The following BTAF1 variants were observed in gnomAD, a reference collection of about 807,000 sequenced individuals.
BTAF1 encodes TATA-binding protein-associated factor 172.
In BTAF1, 38 loss-of-function variants were observed where a neutral mutation model predicts 227.1. The ratio of observed to expected loss-of-function variants is 0.17; its 90% CI spans 0.13 to 0.22. The LOEUF (loss-of-function observed/expected upper bound fraction) is 0.22, where lower values mean the gene tolerates loss of function less well. Ranked by LOEUF, BTAF1 falls within the 10% of genes least tolerant of loss-of-function variation. BTAF1 has a pLI of 1.00. For synonymous variants in BTAF1, 742 were observed against 751.9 expected (o/e 0.99, Z 0.21); for missense variants, 1,598 against 2,204.0 (o/e 0.73, Z 5.51).
chr10:91,989,623 T>C, intron 20 of BTAF1, 43 bp downstream of exon 20: 1 of 1,506,132 alleles, frequency 6.6e-7, no homozygotes, highest in Non-Finnish European at 8.9e-7. Context: ...AATAACCTTT[T>C]AAATTTGTTT....
chr10:91,936,952 C>T (rs913830629), intron 2 of BTAF1, among the ~76,000 whole-genome samples: 1 of 152,068 alleles, frequency 6.6e-6, no homozygotes, highest in Non-Finnish European at 1.5e-5. Flanking sequence ...AGCACTGTCT[C>T]ACCGTCTTTC....
At chr10:92,025,444 A>T (rs74149356) in intron 35 of BTAF1, among the ~76,000 whole-genome samples, 33,617 of 147,988 alleles carry the variant, frequency 0.23, 4,757 homozygotes, top group African/African-American at 0.42. Context: ...TTTTTTTTTT[A>T]AAAAAAAAAT....
Position 91,942,413 on chromosome 10 carries a change from C to T in BTAF1, c.254-9C>T. On this transcript the variant is annotated splice_polypyrimidine_tract_variant and intron_variant, in intron 3 of 37. Transcript: ENST00000265990. Reference sequence around the variant, plus strand: ...TATGGTCAAATTAATATTTTTAAACCTCATGTAGAACCTACTTCCGAAAGT... The same window carrying T: ...TATGGTCAAATTAATATTTTTAAACTTCATGTAGAACCTACTTCCGAAAGT... 6.2e-7 allele frequency: 1 copy of T among 1,604,682 alleles called. No homozygotes were observed. Among genetic ancestry groups the T allele is most frequent in the Non-Finnish European group, 8.5e-7 (1 of 1,174,124 alleles).
chr10:92,023,278 G>A (rs778592446), intron 34 of BTAF1, among the ~76,000 whole-genome samples: 1 of 152,184 alleles, frequency 6.6e-6, no homozygotes, highest in Non-Finnish European at 1.5e-5. Context: ...AACATCCTAA[G>A]TGTTTTACAT....
At chr10:91,993,618 A>C in intron 21 of BTAF1, 76 bp from the exon 22 acceptor site, 1 of 1,163,810 alleles carries the variant, frequency 8.6e-7, no homozygotes, top group East Asian at 2.9e-5. Flanking sequence ...GGTGACTTTT[A>C]AATTCTTTTG....
At chr10:92,028,232 G>A (rs936537372) in intron 37 of BTAF1, among the ~76,000 whole-genome samples, 1 of 152,184 alleles carries the variant, frequency 6.6e-6, no homozygotes, top group Admixed American at 6.5e-5. Flanking sequence ...GTGACTTTCA[G>A]TGACCAGAAC....
rs1396392265 is a variant in BTAF1, at chr10:92,027,126, C to T, written c.5236-4C>T. On this transcript the variant is annotated splice_polypyrimidine_tract_variant and splice_region_variant and intron_variant, in intron 36 of 37. Coordinates refer to ENST00000265990, the MANE Select transcript of BTAF1 (RefSeq NM_003972.3). ...ACGGTTGCTTAACTGTTTTTCTTAT[C>T]CAGAAACGTGTGGTTAACGTATACC... 6.2e-7 allele frequency: 1 copy of T among 1,606,166 alleles called. No individual in the cohort carries two copies. The highest frequency in any genetic ancestry group is 1.3e-5 in the African/African-American group (1 of 74,486).
At chr10:92,004,552 C>A (rs547597538) in intron 25 of BTAF1, among the ~76,000 whole-genome samples, 1 of 152,170 alleles carries the variant, frequency 6.6e-6, no homozygotes, top group Non-Finnish European at 1.5e-5. Flanking sequence ...ACTGCAGCTT[C>A]GACCTCCTGG....
intron 6 of BTAF1, 100 bp downstream of exon 6, chr10:91,953,973 C>T: frequency 6.9e-7 from 1 of 1,455,586 alleles, no homozygotes. Context: ...ACATATTTAG[C>T]TGGGGAGTAC....
chr10:92,014,254 G>A (rs1200298477), intron 32 of BTAF1, among the ~76,000 whole-genome samples: 1 of 151,884 alleles, frequency 6.6e-6, no homozygotes, highest in Non-Finnish European at 1.5e-5. Flanking sequence ...TAAGAGACAG[G>A]GTCTTACTCT....
At chr10:91,993,667 T>A (rs572792148) in intron 21 of BTAF1, 27 bp from the exon 22 acceptor site, 1 of 1,406,474 alleles carries the variant, frequency 7.1e-7, no homozygotes, top group East Asian at 2.5e-5. Flanking sequence ...TCTGAAATTC[T>A]GTTTTTATCT....
intron 2 of BTAF1, among the ~76,000 whole-genome samples, chr10:91,938,923 C>G (rs1844810386): frequency 7.3e-6 from 1 of 137,292 alleles, no homozygotes; most frequent in African/African-American, 2.9e-5. Flanking sequence ...TTTGGTAATT[C>G]TGAGTCCCTT....
chr10:91,998,092 C>T (rs1038483040), intron 25 of BTAF1, among the ~76,000 whole-genome samples: 1 of 140,602 alleles, frequency 7.1e-6, no homozygotes, highest in Non-Finnish European at 1.5e-5. Flanking sequence ...TGCCACTGCA[C>T]TGTATGTATC....
chr10:91,932,647 A>T (rs939526359), intron 1 of BTAF1, among the ~76,000 whole-genome samples: 9 of 152,222 alleles, frequency 5.9e-5, no homozygotes, highest in Admixed American at 5.9e-4. Flanking sequence ...GCCACAAAAA[A>T]ATATAATAAA....
At chr10:91,928,759 ATC>A (rs1844043978) in intron 1 of BTAF1, among the ~76,000 whole-genome samples, 4 of 33,366 alleles carry the variant, frequency 1.2e-4, no homozygotes, top group African/African-American at 4.9e-4. Flanking sequence ...GCAAGAATCC[ATC>A]CCCCCCCCCC....
chr10:91,976,095 C>T (rs993524877), intron 14 of BTAF1, among the ~76,000 whole-genome samples: 1 of 152,222 alleles, frequency 6.6e-6, no homozygotes, highest in Non-Finnish European at 1.5e-5. Flanking sequence ...TGACCCTCTC[C>T]TCAGGTTTGA....
chr10:91,991,279 T>TATATATATATTTATATATAA (rs1848728892), intron 20 of BTAF1, among the ~76,000 whole-genome samples: 1 of 98,422 alleles, frequency 1.0e-5, no homozygotes, highest in African/African-American at 3.0e-5. Flanking sequence ...TAAATATATA[T>TATATATATATTTATATATAA]ATATATATAT....
intron 1 of BTAF1, among the ~76,000 whole-genome samples, chr10:91,934,374 C>T (rs1211782039): frequency 6.6e-6 from 1 of 151,948 alleles, no homozygotes; most frequent in Non-Finnish European, 1.5e-5. Context: ...GTAGCCGGGA[C>T]TACAGGTGGA....
chr10:91,973,767 A>AG (rs1232209715), intron 14 of BTAF1, among the ~76,000 whole-genome samples: 1 of 150,626 alleles, frequency 6.6e-6, no homozygotes, highest in Admixed American at 6.6e-5. Flanking sequence ...AGCCGGGCGT[A>AG]GTGGCGGGCG....
Sources: allele counts gnomAD v4.1 joint callset (sites outside exome capture counted in the v4.1 genomes callset), GRCh38; gene constraint gnomAD v4.1.1; transcripts MANE v1.5; gene names NCBI Gene and HGNC (gene_info 2026-07-23, HGNC 2026-07-21).